CALD1: variants seen among roughly 807,000 people sequenced by gnomAD.
CALD1 encodes the protein caldesmon.
A neutral mutation model predicts 99.9 loss-of-function variants in CALD1; 33 were observed. That is an observed-to-expected ratio of 0.33 (90% CI 0.25 to 0.44). CALD1 has a LOEUF of 0.44. Ranked by LOEUF, CALD1 falls within the 20% of genes least tolerant of loss-of-function variation. The pLI, the probability that CALD1 is intolerant of heterozygous loss-of-function variation, is 1.00. For synonymous variants in CALD1, 310 were observed against 325.0 expected, an observed-to-expected ratio of 0.95 and a Z score of 0.50; for missense variants, 861 against 962.1, an observed-to-expected ratio of 0.89 and a Z score of 1.39.
chr7:134,824,448 C>A (rs190058305), intron 1 of CALD1, among the ~76,000 whole-genome samples: 42 of 150,268 alleles, frequency 2.8e-4, no homozygotes, highest in African/African-American at 9.9e-4. Flanking sequence ...TCCTCCTCCT[C>A]CTTCTTCTCC....
intron 3 of CALD1, among the ~76,000 whole-genome samples, chr7:134,915,784 A>T (rs1563092855): frequency 6.6e-6 from 1 of 152,228 alleles, no homozygotes; most frequent in Non-Finnish European, 1.5e-5. Flanking sequence ...GGAGTCTTTA[A>T]GCATAGAAGA....
intron 1 of CALD1, among the ~76,000 whole-genome samples, chr7:134,800,356 A>G (rs1787922481): frequency 1.3e-5 from 2 of 152,112 alleles, no homozygotes; most frequent in Admixed American, 1.3e-4. Flanking sequence ...TAATCAATTC[A>G]TTTCTCAGAC....
In CALD1 at chr7:134,933,878, G is replaced by A. The variant is rs185503672; in HGVS notation, c.1109G>A (p.Arg370Lys). 2.5e-6 allele frequency: 4 copies of A among 1,613,232 alleles called. No individual in the cohort carries two copies. In the East Asian group the frequency reaches 8.9e-5, roughly 36 times the overall value. Residue 370 changes from arginine to lysine, a missense_variant, in exon 5 of 15, where the codon AGG (arginine) becomes AAG (lysine). Arg to Lys is a conservative substitution (Grantham distance 26, BLOSUM62 2). This residue lies in a region of CALD1 where 293 missense variants were observed against 262.7 expected (regional missense o/e 1.12). Transcript: ENST00000361675. ...KEEEKRAAEE[R>K]QRARAEEEEK... is the part of the protein sequence containing the mutation. ...GAAGAGAAAAGGGCAGCAGAGGAGA[G>A]GCAAAGGGCCAGGGCAGAGGAGGAA...
intron 1 of CALD1, among the ~76,000 whole-genome samples, chr7:134,757,799 A>G (rs898212994): frequency 6.6e-6 from 1 of 152,070 alleles, no homozygotes; most frequent in African/African-American, 2.4e-5. Flanking sequence ...GAATTGCTTG[A>G]ACCCGGGAGG....
chr7:134,965,465 G>T, intron 14 of CALD1, 79 bp downstream of exon 14: 1 of 779,088 alleles, frequency 1.3e-6, no homozygotes, highest in South Asian at 1.4e-5. Context: ...GGAGTCAGAT[G>T]AGAAATATCA....
At chr7:134,919,135 T>A (rs1438178577) in intron 3 of CALD1, among the ~76,000 whole-genome samples, 2 of 152,360 alleles carry the variant, frequency 1.3e-5, no homozygotes, top group East Asian at 3.9e-4. Context: ...TCCATCATTT[T>A]AAAATGTCCT....
intron 9 of CALD1, among the ~76,000 whole-genome samples, chr7:134,955,609 G>A (rs1164065696): frequency 6.6e-6 from 1 of 152,220 alleles, no homozygotes; most frequent in African/African-American, 2.4e-5. Context: ...AGGAAAGAGA[G>A]CAAGTGAGCT....
chr7:134,721,991 T>C, the CALD1 span, among the ~76,000 whole-genome samples: 1 of 152,218 alleles, frequency 6.6e-6, no homozygotes, highest in Non-Finnish European at 1.5e-5. Flanking sequence ...GTTTTTCTTT[T>C]CATTCCCTGA....
At chr7:134,915,170 G>A (rs1563092385) in intron 3 of CALD1, among the ~76,000 whole-genome samples, 1 of 152,168 alleles carries the variant, frequency 6.6e-6, no homozygotes, top group Non-Finnish European at 1.5e-5. Flanking sequence ...CAGAACCTAG[G>A]CCCCCATGCC....
chr7:134,831,363 G>A (rs1799213330), intron 1 of CALD1, among the ~76,000 whole-genome samples: 1 of 151,654 alleles, frequency 6.6e-6, no homozygotes, highest in Non-Finnish European at 1.5e-5. Flanking sequence ...TCTGTTGCCC[G>A]GGTTGGAGTG....
At chr7:134,842,980 G>A (rs182175344) in intron 1 of CALD1, among the ~76,000 whole-genome samples, 60 of 152,226 alleles carry the variant, frequency 3.9e-4, no homozygotes, top group African/African-American at 1.4e-3. Flanking sequence ...CCCCATGCCC[G>A]AGGAGATGGT....
At chr7:134,767,387 C>T (rs1370423957) in intron 1 of CALD1, among the ~76,000 whole-genome samples, 1 of 152,176 alleles carries the variant, frequency 6.6e-6, no homozygotes, top group African/African-American at 2.4e-5. Flanking sequence ...AATAGTCTAT[C>T]CCCCAAGAGA....
intron 1 of CALD1, among the ~76,000 whole-genome samples, chr7:134,828,591 C>A (rs1362712934): frequency 6.6e-6 from 1 of 152,158 alleles, no homozygotes; most frequent in African/African-American, 2.4e-5. Flanking sequence ...GGATTCACTA[C>A]ATTCTGAGTA....
chr7:134,880,370 G>T (rs923049261), intron 3 of CALD1, among the ~76,000 whole-genome samples: 1 of 152,134 alleles, frequency 6.6e-6, no homozygotes, highest in Non-Finnish European at 1.5e-5. Flanking sequence ...ACTGTTGGAA[G>T]GTTTTCTGGA....
intron 2 of CALD1, among the ~76,000 whole-genome samples, chr7:134,855,976 T>C (rs1307996398): frequency 2.6e-5 from 4 of 152,230 alleles, no homozygotes; most frequent in Admixed American, 2.6e-4. Context: ...AAGCTGTTGC[T>C]GCTGCTTCTT....
intron 2 of CALD1, among the ~76,000 whole-genome samples, chr7:134,845,604 T>G (rs1053368966): frequency 6.6e-6 from 1 of 152,188 alleles, no homozygotes; most frequent in Non-Finnish European, 1.5e-5. Flanking sequence ...CTGTGGGACA[T>G]GCAAGGGCAT....
intron 1 of CALD1, among the ~76,000 whole-genome samples, chr7:134,810,508 C>A (rs895751058): frequency 2.6e-5 from 4 of 152,162 alleles, no homozygotes; most frequent in Non-Finnish European, 1.5e-5. Context: ...CACCCTGGGA[C>A]AAGAGTGTCC....
chr7:134,749,747 C>T (rs185417737), intron 1 of CALD1, among the ~76,000 whole-genome samples: 1 of 152,226 alleles, frequency 6.6e-6, no homozygotes, highest in African/African-American at 2.4e-5. Flanking sequence ...TCTGTTTCGC[C>T]AAAACTACAG....
chr7:134,891,937 G>A (rs556482963), intron 3 of CALD1, among the ~76,000 whole-genome samples: 10 of 152,044 alleles, frequency 6.6e-5, no homozygotes, highest in Non-Finnish European at 1.3e-4. Context: ...TTTGCCAGGA[G>A]TTTATACCTA....
Sources: gnomAD v4.1 joint callset for allele counts (sites outside exome capture counted in the v4.1 genomes callset) on GRCh38, gnomAD v4.1.1 for gene constraint, gnomAD v4.1.1 regional missense constraint, MANE v1.5 for transcripts, NCBI Gene and HGNC (gene_info 2026-07-23, HGNC 2026-07-21) for gene names.